TGFBRAP1: variants seen among roughly 807,000 people sequenced by gnomAD.
TGFBRAP1 encodes the protein transforming growth factor beta receptor associated protein 1.
In TGFBRAP1, 20 loss-of-function variants were observed where a neutral mutation model predicts 83.2. That is an observed-to-expected ratio of 0.24 (90% confidence interval 0.17 to 0.35). The LOEUF (loss-of-function observed/expected upper bound fraction) is 0.35. Among genes scored for constraint, TGFBRAP1 ranks in the 10% least tolerant of loss-of-function variants. TGFBRAP1 has a pLI of 1.00. For missense variants in TGFBRAP1, 950 were observed against 1,099.4 expected, an observed-to-expected ratio of 0.86 and a Z score of 1.92; for synonymous variants, 415 against 459.8, an observed-to-expected ratio of 0.90 and a Z score of 1.25.
At chr2:105,321,885 T>C (rs1379901445) in intron 1 of TGFBRAP1, among the ~76,000 whole-genome samples, 1 of 152,238 alleles carries the variant, frequency 6.6e-6, no homozygotes, top group African/African-American at 2.4e-5. Flanking sequence ...TAATAATAAA[T>C]GACTATGTTA....
At chr2:105,284,992 A>G (rs1392088995) in intron 4 of TGFBRAP1, among the ~76,000 whole-genome samples, 2 of 152,160 alleles carry the variant, frequency 1.3e-5, no homozygotes, top group Non-Finnish European at 2.9e-5. Flanking sequence ...TTCTTGTTAC[A>G]TCCAGCAATA....
At chr2:105,263,142 A>T (rs563649927), downstream of TGFBRAP1, among the ~76,000 whole-genome samples, 1 of 152,360 alleles carries the variant, frequency 6.6e-6, no homozygotes, top group South Asian at 2.1e-4. Context: ...CCGTTGTAAC[A>T]TTCTCACAAT....
At chr2:105,321,717 T>G (rs1679073733) in intron 1 of TGFBRAP1, among the ~76,000 whole-genome samples, 1 of 152,200 alleles carries the variant, frequency 6.6e-6, no homozygotes, top group South Asian at 2.1e-4. Context: ...ATAATGGAGT[T>G]GAACAATTCC....
At position 105,275,652 on chromosome 2, in the gene TGFBRAP1, G is replaced by A; in HGVS notation, c.1573C>T (p.Leu525=). 1.2e-6 allele frequency: 2 copies of A among 1,614,162 alleles called. No homozygotes were observed. Among genetic ancestry groups the A allele is most frequent in the Non-Finnish European group, 1.7e-6 (2 of 1,180,036 alleles). Residue 525 remains leucine, a synonymous_variant, in exon 8 of 12, where the codon CTG becomes TTG. Coordinates refer to ENST00000393359, the MANE Select transcript of TGFBRAP1 (RefSeq NM_004257.6). ...GDVQDSTRSD[L]YEYIVDFLTY... is the part of the protein sequence containing the mutation. The stretch of plus-strand genomic sequence containing the variant: ...AGAAAATCCACGATGTATTCATACA[G>A]GTCTGAGCGTGTGGAGTCCTGGACA...
chr2:105,311,620 T>TA (rs1678696732), intron 1 of TGFBRAP1, among the ~76,000 whole-genome samples: 2 of 151,686 alleles, frequency 1.3e-5, no homozygotes, highest in South Asian at 2.1e-4. Flanking sequence ...AAAAATTGGC[T>TA]AGGAGTGGTG....
chr2:105,259,279 C>T, the TGFBRAP1 span, among the ~76,000 whole-genome samples: 1,630 of 152,296 alleles, frequency 0.011, 25 homozygotes, highest in African/African-American at 0.037. Flanking sequence ...CGCTGCGCCC[C>T]GACTGATACA....
chr2:105,324,777 G>A (rs1465399352), intron 1 of TGFBRAP1, among the ~76,000 whole-genome samples: 1 of 152,094 alleles, frequency 6.6e-6, no homozygotes, highest in South Asian at 2.1e-4. Flanking sequence ...AGTTAAGTGG[G>A]GGACTCTGAG....
At chr2:105,309,926 C>T (rs1678638726) in intron 1 of TGFBRAP1, among the ~76,000 whole-genome samples, 1 of 152,154 alleles carries the variant, frequency 6.6e-6, no homozygotes, top group African/African-American at 2.4e-5. Context: ...TTTGTTCCTT[C>T]CATCCACTAT....
intron 1 of TGFBRAP1, among the ~76,000 whole-genome samples, chr2:105,326,603 C>A (rs1679232289): frequency 6.6e-6 from 1 of 152,038 alleles, no homozygotes; most frequent in African/African-American, 2.4e-5. Context: ...CCTATAGCCC[C>A]AACTACTTGG....
rs190985398 is a variant in TGFBRAP1, at chr2:105,299,932, G to C, written c.689-1227C>G. ...ACACCCACAAACTAATTCTATTCTTGCCAAATAGGTGATAAAGTCTATTGT... is the reference window on the plus strand; with the variant it reads ...ACACCCACAAACTAATTCTATTCTTCCCAAATAGGTGATAAAGTCTATTGT... On this transcript the variant is annotated intron_variant, in intron 2 of 11. Transcript: ENST00000393359. Among the ~76,000 whole-genome samples the C allele has an allele frequency of 1.5e-4, 23 of 152,274 alleles. 1 individual carries two copies. The highest frequency in any genetic ancestry group is 1.4e-3 in the Admixed American group (21 of 15,304).
downstream of TGFBRAP1, among the ~76,000 whole-genome samples, chr2:105,263,236 T>C (rs915226848): frequency 6.6e-6 from 1 of 152,246 alleles, no homozygotes; most frequent in African/African-American, 2.4e-5. Context: ...TCTAATATGC[T>C]AATGGGCCTT....
chr2:105,261,409 T>G (rs1022619655), downstream of TGFBRAP1, among the ~76,000 whole-genome samples: 1 of 151,982 alleles, frequency 6.6e-6, no homozygotes, highest in Non-Finnish European at 1.5e-5. Flanking sequence ...AAATGGAAAA[T>G]GTTCTCTAGA....
chr2:105,254,593 A>G, the TGFBRAP1 span, among the ~76,000 whole-genome samples: 1 of 152,038 alleles, frequency 6.6e-6, no homozygotes, highest in Non-Finnish European at 1.5e-5. Context: ...CATTTGAGTC[A>G]CCTAGACTCA....
At chr2:105,257,218 G>A in the TGFBRAP1 span, among the ~76,000 whole-genome samples, 1 of 152,074 alleles carries the variant, frequency 6.6e-6, no homozygotes, top group Admixed American at 6.5e-5. Context: ...TCTGGATCCG[G>A]ACCCCTTTCT....
chr2:105,268,363 C>A (rs748559118), intron 11 of TGFBRAP1, among the ~76,000 whole-genome samples: 1 of 152,010 alleles, frequency 6.6e-6, no homozygotes, highest in Non-Finnish European at 1.5e-5. Context: ...GCTGTGAATG[C>A]GAACACCAAG....
downstream of TGFBRAP1, among the ~76,000 whole-genome samples, chr2:105,260,366 G>A (rs1014469442): frequency 6.6e-6 from 1 of 152,204 alleles, no homozygotes; most frequent in Non-Finnish European, 1.5e-5. Flanking sequence ...CTGAGATCTT[G>A]CCACTGCACT....
chr2:105,299,508 C>G (rs1199831705), intron 2 of TGFBRAP1, among the ~76,000 whole-genome samples: 2 of 152,000 alleles, frequency 1.3e-5, no homozygotes, highest in Non-Finnish European at 2.9e-5. Flanking sequence ...CCCTGGAGGT[C>G]AAAGAGGGTC....
chr2:105,278,109 T>C (rs953718823), intron 6 of TGFBRAP1, among the ~76,000 whole-genome samples: 1 of 134,756 alleles, frequency 7.4e-6, no homozygotes, highest in African/African-American at 2.7e-5. Context: ...TGTGTGTGTG[T>C]GTGTAGTTCA....
intron 3 of TGFBRAP1, among the ~76,000 whole-genome samples, chr2:105,297,386 C>T (rs1678123017): frequency 6.6e-6 from 1 of 152,212 alleles, no homozygotes; most frequent in Admixed American, 6.5e-5. Context: ...GTGTCCACCA[C>T]ACCCTGAGCC....
Sources: allele counts gnomAD v4.1 joint callset (sites outside exome capture counted in the v4.1 genomes callset), GRCh38; gene constraint gnomAD v4.1.1; transcripts MANE v1.5; gene names NCBI Gene and HGNC (gene_info 2026-07-23, HGNC 2026-07-21).